Variants in CABIN1 observed in about 807,000 individuals in gnomAD.
CABIN1 encodes the protein calcineurin binding protein 1.
A neutral mutation model predicts 227.7 loss-of-function variants in CABIN1; 133 were observed. The ratio of observed to expected loss-of-function variants is 0.58; its 90% confidence interval spans 0.51 to 0.67. The LOEUF is 0.67. CABIN1 is among the 30% of genes least tolerant of loss of function. The pLI, the probability that CABIN1 is intolerant of heterozygous loss-of-function variation, is 0.00. For synonymous variants in CABIN1, 1,086 were observed against 1,155.1 expected (o/e 0.94, Z 1.21); for missense variants, 2,408 against 2,852.5 (o/e 0.84, Z 3.55).
At chr22:24,091,935 C>A in intron 24 of CABIN1, 92 bp downstream of exon 24, 1 of 1,518,082 alleles carries the variant, frequency 6.6e-7, no homozygotes, top group Non-Finnish European at 9.0e-7. Context: ...TTCCAGTGAC[C>A]GTCCTTCAAC....
Position 24,167,304 on chromosome 22 carries a change from C to T in CABIN1, c.5673C>T (p.Leu1891=). 1 of 1,611,970 alleles carries T rather than the reference C, an allele frequency of 6.2e-7. No homozygotes were observed. Among genetic ancestry groups the T allele is most frequent in the Non-Finnish European group, 8.5e-7 (1 of 1,179,276 alleles). Residue 1891 remains leucine, a synonymous_variant, in exon 32 of 37, where the codon CTC becomes CTT. Coordinates refer to ENST00000263119, the MANE Select transcript of CABIN1 (RefSeq NM_012295.4). ...VERIMSETYM[L]IKQVDEEAAL... is the part of the protein sequence containing the mutation. ...GGATCATGTCGGAGACCTACATGCT[C>T]ATCAAGCAGGTGGGTGGCAGGCAGA...
intron 1 of CABIN1, among the ~76,000 whole-genome samples, chr22:24,031,581 T>C (rs538550770): frequency 6.6e-6 from 1 of 152,316 alleles, no homozygotes; most frequent in East Asian, 1.9e-4. Context: ...CAATGGGTAG[T>C]TCCTGAGTGA....
chr22:24,072,288 C>T, intron 17 of CABIN1, 66 bp from the exon 18 acceptor site: 1 of 1,593,136 alleles, frequency 6.3e-7, no homozygotes, highest in Non-Finnish European at 8.6e-7. Context: ...TCCTGCCTCC[C>T]TTCAGTCTGC....
At chr22:24,113,854 T>C in intron 27 of CABIN1, 106 bp downstream of exon 27, 1 of 1,202,980 alleles carries the variant, frequency 8.3e-7, no homozygotes, top group South Asian at 1.2e-5. Flanking sequence ...GCAAGTCACT[T>C]ACTCCCTGGG....
chr22:24,131,611 T>A (rs765696521), intron 28 of CABIN1, among the ~76,000 whole-genome samples: 14 of 152,206 alleles, frequency 9.2e-5, no homozygotes, highest in Non-Finnish European at 1.6e-4. Context: ...GTCTGGGCAC[T>A]TGCTTCAGTG....
At chr22:24,157,327 C>T (rs1160842539) in intron 29 of CABIN1, among the ~76,000 whole-genome samples, 1 of 152,158 alleles carries the variant, frequency 6.6e-6, no homozygotes, top group Admixed American at 6.5e-5. Context: ...AAACTCAGTC[C>T]TGCCTCTAAA....
intron 8 of CABIN1, among the ~76,000 whole-genome samples, chr22:24,052,517 A>G (rs1601802908): frequency 6.6e-6 from 1 of 150,468 alleles, no homozygotes; most frequent in East Asian, 1.9e-4. Flanking sequence ...CTAGCTGGGC[A>G]TGGTGGCTAA....
At chr22:24,058,262 G>A (rs561301033) in intron 10 of CABIN1, among the ~76,000 whole-genome samples, 88 of 152,302 alleles carry the variant, frequency 5.8e-4, no homozygotes, top group African/African-American at 2.0e-3. Flanking sequence ...GCCTCAAGCC[G>A]TCCTTCTGCC....
At chr22:24,123,383 C>G (rs575254210) in intron 28 of CABIN1, among the ~76,000 whole-genome samples, 20 of 152,224 alleles carry the variant, frequency 1.3e-4, no homozygotes, top group Non-Finnish European at 2.4e-4. Flanking sequence ...TTCCAGGAGG[C>G]AGCTCTGCAG....
intron 28 of CABIN1, among the ~76,000 whole-genome samples, chr22:24,125,344 G>A (rs1173763020): frequency 6.6e-6 from 1 of 152,232 alleles, no homozygotes; most frequent in Non-Finnish European, 1.5e-5. Context: ...GGTCAGCTGG[G>A]TGTGAACCCC....
At chr22:24,175,465 C>G (rs2047052853) in intron 34 of CABIN1, among the ~76,000 whole-genome samples, 1 of 152,206 alleles carries the variant, frequency 6.6e-6, no homozygotes. Context: ...GTGGGAGAGT[C>G]CAGACCTGAG....
At chr22:24,108,858 C>T (rs946661754) in intron 26 of CABIN1, among the ~76,000 whole-genome samples, 6 of 152,198 alleles carry the variant, frequency 3.9e-5, no homozygotes, top group African/African-American at 1.4e-4. Flanking sequence ...AATATGGCAT[C>T]AGCAAAACCC....
intron 1 of CABIN1, among the ~76,000 whole-genome samples, chr22:24,034,244 G>A (rs1244872074): frequency 1.3e-5 from 2 of 152,174 alleles, no homozygotes. Flanking sequence ...AACAGCCCAT[G>A]GACCAGTACT....
At chr22:24,058,151 C>G (rs1345977297) in intron 10 of CABIN1, among the ~76,000 whole-genome samples, 1 of 152,156 alleles carries the variant, frequency 6.6e-6, no homozygotes, top group African/African-American at 2.4e-5. Flanking sequence ...CCTGAATACC[C>G]AGGACCACAG....
At chr22:24,150,167 G>T (rs370770874) in intron 29 of CABIN1, among the ~76,000 whole-genome samples, 1 of 152,214 alleles carries the variant, frequency 6.6e-6, no homozygotes, top group Non-Finnish European at 1.5e-5. Flanking sequence ...GGAGCCCACC[G>T]CCCTTAGCTT....
Position 24,055,029 on chromosome 22 carries a change from G to C in CABIN1, c.963G>C (p.Val321=), listed in dbSNP as rs748170045. Residue 321 remains valine (V), a synonymous_variant, in exon 9 of 37, where the codon GTG becomes GTC. Coordinates refer to ENST00000263119, the MANE Select transcript of CABIN1 (RefSeq NM_012295.4). ...ESSMVVTPVN[V]IQPSTVSTNP... is the part of the protein sequence containing the mutation. Reference sequence around the variant, plus strand: ...CCATGGTGGTGACGCCAGTTAACGTGATCCAGCCAAGCACTGTCAGCACCA... The same window carrying C: ...CCATGGTGGTGACGCCAGTTAACGTCATCCAGCCAAGCACTGTCAGCACCA... 4.3e-6 allele frequency: 7 copies of C among 1,614,238 alleles called. No individual in the cohort carries two copies. In the South Asian group the frequency reaches 7.7e-5, roughly 18 times the overall value.
chr22:24,156,400 G>A (rs1226703391), intron 29 of CABIN1: 1 of 272,516 alleles, frequency 3.7e-6, no homozygotes, highest in East Asian at 6.5e-5. Flanking sequence ...GCGGCGCGCG[G>A]GGGCGGCAGG....
intron 4 of CABIN1, among the ~76,000 whole-genome samples, chr22:24,038,701 G>A (rs1424478390): frequency 6.6e-6 from 1 of 152,198 alleles, no homozygotes; most frequent in Non-Finnish European, 1.5e-5. Context: ...CTTGTTAAAG[G>A]CCAGCTATCG....
intron 27 of CABIN1, among the ~76,000 whole-genome samples, chr22:24,117,986 G>T (rs1423840770): frequency 6.6e-6 from 1 of 152,220 alleles, no homozygotes; most frequent in Non-Finnish European, 1.5e-5. Context: ...GCAACTTCTT[G>T]AGCTCACATG....
Sources: gnomAD v4.1 joint callset for allele counts (sites outside exome capture counted in the v4.1 genomes callset) on GRCh38, gnomAD v4.1.1 for gene constraint, MANE v1.5 for transcripts, NCBI Gene and HGNC (gene_info 2026-07-23, HGNC 2026-07-21) for gene names.